VWA3B: variants seen among roughly 807,000 people sequenced by gnomAD.
The protein encoded by VWA3B is von Willebrand factor A domain containing 3B.
Under a neutral mutation model 158.3 loss-of-function variants are expected in VWA3B, and 138 were observed. The ratio of observed to expected loss-of-function variants is 0.87; its 90% CI spans 0.76 to 1.00. VWA3B has a LOEUF of 1.00. Among genes scored for constraint, VWA3B ranks in the 50% least tolerant of loss-of-function variants. The pLI, the probability that VWA3B is intolerant of heterozygous loss-of-function variation, is 0.00. For synonymous variants in VWA3B, 596 were observed against 587.3 expected (o/e 1.01, Z -0.21); for missense variants, 1,555 against 1,565.1 (o/e 0.99, Z 0.11).
intron 12 of VWA3B, 90 bp downstream of exon 12, chr2:98,194,582 GTTTT>G (rs2105434393): frequency 3.5e-5 from 52 of 1,476,766 alleles, no homozygotes; most frequent in Non-Finnish European, 4.5e-5. Context: ...CCTGAGAGGT[GTTTT>G]GCACTCTCAG....
intron 7 of VWA3B, among the ~76,000 whole-genome samples, chr2:98,134,804 T>C (rs1370851670): frequency 6.6e-6 from 1 of 151,940 alleles, no homozygotes; most frequent in East Asian, 1.9e-4. Context: ...GTAACGGTGC[T>C]GCAAAGGCTC....
chr2:98,114,647 A>G (rs1464081159), intron 2 of VWA3B, among the ~76,000 whole-genome samples: 1 of 152,186 alleles, frequency 6.6e-6, no homozygotes, highest in African/African-American at 2.4e-5. Flanking sequence ...AAAAATAATA[A>G]TTAAAATTAC....
rs763743324 is a variant in VWA3B, at chr2:98,128,413, G to A, written c.872+5G>A. ...GAGTGCCAAGACCCACAGCAGGTAG[G>A]CAGAAAATGTGCTCTTGAGTGACAG... is the stretch of plus-strand genomic sequence containing the variant. On this transcript the variant is annotated splice_donor_5th_base_variant and intron_variant, in intron 6 of 27. Coordinates refer to ENST00000477737, the MANE Select transcript of VWA3B (RefSeq NM_144992.5). 1.6e-5 allele frequency: 26 copies of A among 1,611,620 alleles called. 1 individual carries two copies. In the South Asian group the frequency reaches 2.5e-4, roughly 16 times the overall value.
At chr2:98,150,383 C>T (rs904154563) in intron 7 of VWA3B, among the ~76,000 whole-genome samples, 1 of 152,198 alleles carries the variant, frequency 6.6e-6, no homozygotes, top group Non-Finnish European at 1.5e-5. Context: ...TAGTGCATTA[C>T]ATTTTACGTT....
At chr2:98,165,369 C>T (rs1678980302) in intron 8 of VWA3B, among the ~76,000 whole-genome samples, 1 of 152,202 alleles carries the variant, frequency 6.6e-6, no homozygotes, top group Admixed American at 6.5e-5. Context: ...ATACTGATAT[C>T]TGCTTCCCAC....
chr2:98,191,879 G>T (rs536480814), intron 10 of VWA3B, among the ~76,000 whole-genome samples: 1 of 152,282 alleles, frequency 6.6e-6, no homozygotes, highest in African/African-American at 2.4e-5. Flanking sequence ...CTTAGGCTTT[G>T]CTGAACTCTG....
At position 98,119,577 on chromosome 2, in the gene VWA3B, A is replaced by G. The variant is rs1559548067; in HGVS notation, c.356A>G (p.Tyr119Cys). 6.2e-7 allele frequency: 1 copy of G among 1,614,016 alleles called. No homozygotes were observed. Among genetic ancestry groups the G allele is most frequent in the East Asian group, 2.2e-5 (1 of 44,888 alleles). ...VEHLTQAVES[Y>C]KQRMDWLTSK... is the part of the protein sequence containing the mutation. ...CATTTAACACAAGCTGTGGAGAGCT[A>G]CAAGCAGCGAATGGACTGGCTCACC... is the stretch of plus-strand genomic sequence containing the variant. Residue 119 changes from tyrosine (Y) to cysteine (C), a missense_variant, in exon 4 of 28, where the codon TAC (tyrosine) becomes TGC (cysteine). Physicochemically the swap from Tyr to Cys is radical, Grantham distance 194. Coordinates refer to ENST00000477737, the MANE Select transcript of VWA3B (RefSeq NM_144992.5).
the VWA3B span, among the ~76,000 whole-genome samples, chr2:98,324,869 A>G: frequency 1.3e-5 from 2 of 151,926 alleles, no homozygotes; most frequent in South Asian, 4.1e-4. Flanking sequence ...AAAACAAACA[A>G]ATGAAAATTC....
chr2:98,137,537 A>G (rs768940674), intron 7 of VWA3B, among the ~76,000 whole-genome samples: 7 of 152,262 alleles, frequency 4.6e-5, no homozygotes, highest in Non-Finnish European at 7.3e-5. Flanking sequence ...CTGTGAGGCC[A>G]TATTGGAGCC....
chr2:98,305,150 TC>T (rs1690443258), intron 26 of VWA3B, among the ~76,000 whole-genome samples: 1 of 151,924 alleles, frequency 6.6e-6, no homozygotes. Context: ...TCGTTGCCCC[TC>T]TACCTCTCTG....
chr2:98,299,642 C>A (rs550867277), intron 24 of VWA3B, among the ~76,000 whole-genome samples: 1 of 152,326 alleles, frequency 6.6e-6, no homozygotes, highest in East Asian at 1.9e-4. Flanking sequence ...CCGTTTGCGA[C>A]TTTTACCCTT....
rs199632420 is a variant in VWA3B, at chr2:98,115,726, G to A, written c.271G>A (p.Glu91Lys). ...TCTGTTTCCACAGCTCTACAGAGCA[G>A]AAGATGGCAGAGTATACAATGTAAG... ...DGLFPQLYRA[E>K]DGRVYNLTAK... The change falls in exon 3 of 28, where the codon GAA (glutamate) becomes AAA (lysine). Residue 91 changes from glutamate to lysine, a missense_variant. Transcript: ENST00000477737. 371 of 1,613,210 alleles carry A rather than the reference G, an allele frequency of 2.3e-4. 1 individual carries two copies. The highest frequency in any genetic ancestry group is 8.2e-4 in the Middle Eastern group (5 of 6,084).
chr2:98,112,296 GT>G (rs2104917393), intron 2 of VWA3B, among the ~76,000 whole-genome samples: 3 of 151,214 alleles, frequency 2.0e-5, no homozygotes, highest in African/African-American at 7.3e-5. Context: ...GTGTGTGTGT[GT>G]GTGTGGGTGT....
At position 98,162,955 on chromosome 2, in the gene VWA3B, G is replaced by A. The variant is rs77092382; in HGVS notation, c.1093G>A (p.Asp365Asn). 4.4e-3 allele frequency: 7,103 copies of A among 1,614,118 alleles called. 269 individuals carry two copies. In the African/African-American group the frequency reaches 0.081, roughly 18 times the overall value. ...QRLVAEPPKP[D>N]VATVDCESET... Reference sequence around the variant, plus strand: ...GCTGGTGGCCGAGCCTCCCAAGCCCGACGTGGCCACTGTGGACTGCGGTTG... The same window carrying A: ...GCTGGTGGCCGAGCCTCCCAAGCCCAACGTGGCCACTGTGGACTGCGGTTG... The change falls in exon 8 of 28, where the codon GAC (aspartate) becomes AAC (asparagine). Residue 365 changes from aspartate (D) to asparagine (N), a missense_variant. Coordinates refer to ENST00000477737, the MANE Select transcript of VWA3B (RefSeq NM_144992.5).
chr2:98,187,948 G>T, intron 9 of VWA3B, 27 bp from the exon 10 acceptor site: 2 of 1,568,394 alleles, frequency 1.3e-6, no homozygotes, highest in Non-Finnish European at 1.7e-6. Flanking sequence ...GTTTCTGAGT[G>T]GCTTCTGTCC....
chr2:98,255,621 C>T (rs1173549492), intron 20 of VWA3B, among the ~76,000 whole-genome samples: 2 of 152,094 alleles, frequency 1.3e-5, no homozygotes, highest in East Asian at 3.9e-4. Context: ...GAGCAAGGTG[C>T]TTCATCCAGC....
chr2:98,145,126 A>G (rs13422327), intron 7 of VWA3B, among the ~76,000 whole-genome samples: 31,282 of 152,140 alleles, frequency 0.21, 4,296 homozygotes, highest in African/African-American at 0.4. Context: ...ATTTGTCTCA[A>G]TGCTGGCTGC....
intron 7 of VWA3B, among the ~76,000 whole-genome samples, chr2:98,147,851 TC>T (rs1677296367): frequency 1.0e-5 from 1 of 97,384 alleles, no homozygotes; most frequent in African/African-American, 3.9e-5. Context: ...CACTCCCCCC[TC>T]CCCCCACCCC....
intron 14 of VWA3B, among the ~76,000 whole-genome samples, chr2:98,219,186 A>T (rs1470013960): frequency 6.6e-6 from 1 of 152,204 alleles, no homozygotes; most frequent in Non-Finnish European, 1.5e-5. Flanking sequence ...GAGGAGGAAA[A>T]ACAAACTGAA....
Sources: gnomAD v4.1 joint callset for allele counts (sites outside exome capture counted in the v4.1 genomes callset) on GRCh38, gnomAD v4.1.1 for gene constraint, MANE v1.5 for transcripts, NCBI Gene and HGNC (gene_info 2026-07-23, HGNC 2026-07-21) for gene names.